ADK: variants seen among roughly 807,000 people sequenced by gnomAD.
ADK encodes adenosine kinase, also known as N6,N6-dimethyladenosine kinase.
ADK carries 24 observed loss-of-function variants against 44.7 expected under a neutral mutation model. That is an observed-to-expected ratio of 0.54 (90% confidence interval 0.39 to 0.76). ADK has a LOEUF of 0.76. Ranked by LOEUF, ADK falls within the 30% of genes least tolerant of loss-of-function variation. ADK has a pLI of 0.00. For missense variants in ADK, 321 were observed against 425.1 expected (o/e 0.76, Z 2.15); for synonymous variants, 128 against 142.6 (o/e 0.90, Z 0.73).
At chr10:74,647,343 T>A (rs1042855484) in intron 9 of ADK, among the ~76,000 whole-genome samples, 10 of 152,130 alleles carry the variant, frequency 6.6e-5, no homozygotes, top group African/African-American at 2.4e-4. Flanking sequence ...AATATGATAG[T>A]TAATCTATTA....
intron 10 of ADK, among the ~76,000 whole-genome samples, chr10:74,699,384 A>T (rs1032902675): frequency 6.6e-6 from 1 of 152,062 alleles, no homozygotes; most frequent in Non-Finnish European, 1.5e-5. Flanking sequence ...GGAACTTTTA[A>T]AAATAGAGTG....
intron 8 of ADK, among the ~76,000 whole-genome samples, chr10:74,599,363 C>A (rs959868831): frequency 2.0e-5 from 3 of 152,176 alleles, no homozygotes; most frequent in Non-Finnish European, 4.4e-5. Flanking sequence ...ACGTTTGTAA[C>A]GATTGCAAAC....
At chr10:74,621,336 C>T (rs1852985688) in intron 9 of ADK, among the ~76,000 whole-genome samples, 1 of 152,156 alleles carries the variant, frequency 6.6e-6, no homozygotes, top group African/African-American at 2.4e-5. Flanking sequence ...TGTGCTTTCT[C>T]CAGTGACTAT....
At chr10:74,318,319 C>G (rs1334250414) in intron 4 of ADK, among the ~76,000 whole-genome samples, 2 of 152,088 alleles carry the variant, frequency 1.3e-5, no homozygotes, top group Non-Finnish European at 2.9e-5. Context: ...GCACACCCTA[C>G]CATACCTGGC....
intron 3 of ADK, among the ~76,000 whole-genome samples, chr10:74,310,278 GTAA>G (rs1463887552): frequency 1.1e-4 from 16 of 152,238 alleles, no homozygotes; most frequent in African/African-American, 3.1e-4. Context: ...CCCGTAAAAT[GTAA>G]TAATATCATA....
intron 10 of ADK, among the ~76,000 whole-genome samples, chr10:74,676,317 A>G (rs1325793971): frequency 6.6e-6 from 1 of 152,002 alleles, no homozygotes; most frequent in Non-Finnish European, 1.5e-5. Context: ...TTTAGTAGAG[A>G]TGGAGTTTTG....
chr10:74,508,687 A>G (rs60305665), intron 6 of ADK, among the ~76,000 whole-genome samples: 7,387 of 152,150 alleles, frequency 0.049, 561 homozygotes, highest in African/African-American at 0.16. Context: ...TTATCAAATT[A>G]TCTTCATCTG....
chr10:74,184,708 A>G (rs1842684951), intron 1 of ADK, among the ~76,000 whole-genome samples: 2 of 152,214 alleles, frequency 1.3e-5, no homozygotes, highest in Non-Finnish European at 2.9e-5. Flanking sequence ...AATTATTAAT[A>G]GACACATAAA....
At chr10:74,254,238 G>A (rs1456052955) in intron 3 of ADK, among the ~76,000 whole-genome samples, 1 of 152,106 alleles carries the variant, frequency 6.6e-6, no homozygotes, top group Non-Finnish European at 1.5e-5. Flanking sequence ...ATAAAGATAT[G>A]CTCTTCTTTT....
chr10:74,589,347 A>G (rs956564612), intron 8 of ADK, 30 bp downstream of exon 8: 6 of 1,611,288 alleles, frequency 3.7e-6, no homozygotes, highest in African/African-American at 2.7e-5. Flanking sequence ...CACACTAAAC[A>G]GATCCTAAAG....
chr10:74,176,487 C>G, intron 1 of ADK: 1 of 1,159,192 alleles, frequency 8.6e-7, no homozygotes, highest in African/African-American at 1.6e-5. Flanking sequence ...TTGCCAGAGG[C>G]GCGGCCATTT....
chr10:74,575,306 G>C (rs1214722704), intron 7 of ADK, among the ~76,000 whole-genome samples: 1 of 152,118 alleles, frequency 6.6e-6, no homozygotes, highest in African/African-American at 2.4e-5. Context: ...ATCTAGTAGA[G>C]GAGATAAGCT....
intron 6 of ADK, among the ~76,000 whole-genome samples, chr10:74,508,600 CA>C (rs1254670943): frequency 6.6e-6 from 1 of 152,108 alleles, no homozygotes; most frequent in East Asian, 1.9e-4. Flanking sequence ...AATAAGTAGA[CA>C]GATTAGCAAA....
intron 1 of ADK, 55 bp downstream of exon 1, chr10:74,151,398 C>G (rs1185010673): frequency 6.5e-7 from 1 of 1,533,248 alleles, no homozygotes; most frequent in Non-Finnish European, 8.8e-7. Context: ...CAAGCCAGGG[C>G]CCACGTGGGG....
At chr10:74,457,741 A>G (rs776656868) in intron 6 of ADK, among the ~76,000 whole-genome samples, 4 of 152,232 alleles carry the variant, frequency 2.6e-5, no homozygotes, top group Non-Finnish European at 5.9e-5. Flanking sequence ...TCTGGAAACC[A>G]TCATTCTCAG....
intron 1 of ADK, among the ~76,000 whole-genome samples, chr10:74,163,217 C>T (rs1002910042): frequency 3.8e-4 from 58 of 152,216 alleles, no homozygotes; most frequent in Middle Eastern, 3.4e-3. Flanking sequence ...CCATCCGCCT[C>T]GGCCTCCCAA....
chr10:74,509,403 G>A (rs1483258323), intron 6 of ADK: 2 of 152,274 alleles, frequency 1.3e-5, no homozygotes, highest in African/African-American at 4.8e-5. Flanking sequence ...ATGTTGGCCG[G>A]GATGATCTCG....
Position 74,372,086 on chromosome 10 carries a change from C to T in ADK, c.274-22055C>T, listed in dbSNP as rs201966097. On this transcript the variant is annotated intron_variant, in intron 4 of 10. Transcript: ENST00000539909. The stretch of plus-strand genomic sequence containing the variant: ...GGATGCCAGCCCGGGAAGGTTTGCG[C>T]GCGTGTGGCACCATTTCCCATGAAC... 234 of 753,524 alleles carry T rather than the reference C, an allele frequency of 3.1e-4. 3 individuals are homozygous for T. The highest frequency in any genetic ancestry group is 2.5e-3 in the Middle Eastern group (7 of 2,786). The allele number at this position is 753,524 out of a possible 1,614,324, so 46.7% of individuals were successfully genotyped here.
chr10:74,449,205 A>G (rs1845687157), intron 6 of ADK, among the ~76,000 whole-genome samples: 1 of 152,200 alleles, frequency 6.6e-6, no homozygotes. Flanking sequence ...AAGGAAACTT[A>G]AGCCATGCTT....
Sources: allele counts gnomAD v4.1 joint callset (sites outside exome capture counted in the v4.1 genomes callset), GRCh38; gene constraint gnomAD v4.1.1; transcripts MANE v1.5; gene names NCBI Gene and HGNC (gene_info 2026-07-23, HGNC 2026-07-21).